The following ARHGAP22 variants were observed in gnomAD, a reference collection of about 807,000 sequenced individuals.
The protein encoded by ARHGAP22 is Rho GTPase activating protein 22, also known as rho GTPase-activating protein 22.
A neutral mutation model predicts 59.1 loss-of-function variants in ARHGAP22; 48 were observed. The observed-to-expected ratio is 0.81, with a 90% CI of 0.64 to 1.03. ARHGAP22 has a LOEUF of 1.03. ARHGAP22 is among the 50% of genes least tolerant of loss of function. ARHGAP22 has a pLI of 0.00. For synonymous variants in ARHGAP22, 445 were observed against 416.4 expected (o/e 1.07, Z -0.84); for missense variants, 1,015 against 958.7 (o/e 1.06, Z -0.78).
chr10:48,507,311 C>T (rs1285950912), intron 3 of ARHGAP22, among the ~76,000 whole-genome samples: 1 of 152,192 alleles, frequency 6.6e-6, no homozygotes, highest in African/African-American at 2.4e-5. Context: ...AAACGACTGA[C>T]CTTCGAGGGC....
intron 1 of ARHGAP22, among the ~76,000 whole-genome samples, chr10:48,638,592 C>T (rs373086035): frequency 5.6e-4 from 85 of 152,326 alleles, no homozygotes; most frequent in African/African-American, 2.0e-3. Flanking sequence ...TTTCCCTCTA[C>T]ATTCTTACTT....
rs370265196 is a variant in ARHGAP22 at position 48,455,145 on chromosome 10, G to A, written c.660-11C>T. On this transcript the variant is annotated splice_polypyrimidine_tract_variant and intron_variant, in intron 5 of 9. Coordinates refer to ENST00000249601, the MANE Select transcript of ARHGAP22 (RefSeq NM_021226.4). ...TGCACGTCTGTTGTGCTGTGGGGGGGAAGAGGACAGGTGTGTGAGGCCTGG... is the reference window on the plus strand; with the variant it reads ...TGCACGTCTGTTGTGCTGTGGGGGGAAAGAGGACAGGTGTGTGAGGCCTGG... The A allele has an allele frequency of 3.7e-6, 6 of 1,600,682 alleles. No individual in the cohort carries two copies. Among genetic ancestry groups the A allele is most frequent in the Non-Finnish European group, 5.1e-6 (6 of 1,172,250 alleles).
chr10:48,441,431 C>G (rs1823936381), downstream of ARHGAP22, among the ~76,000 whole-genome samples: 1 of 144,426 alleles, frequency 6.9e-6, no homozygotes. Flanking sequence ...CAGAAGAGTT[C>G]AAAGGGAGAA....
At chr10:48,648,058 T>C (rs1418942434) in intron 1 of ARHGAP22, among the ~76,000 whole-genome samples, 1 of 152,172 alleles carries the variant, frequency 6.6e-6, no homozygotes, top group East Asian at 1.9e-4. Flanking sequence ...TAGTTGCAGA[T>C]GGGCTTGAGG....
chr10:48,595,929 A>G (rs2060039360), intron 1 of ARHGAP22, among the ~76,000 whole-genome samples: 1 of 152,222 alleles, frequency 6.6e-6, no homozygotes, highest in Admixed American at 6.5e-5. Flanking sequence ...CTCGGCATGA[A>G]GAACTAGAGC....
chr10:48,511,482 C>A (rs1287565762), intron 3 of ARHGAP22: 1 of 152,280 alleles, frequency 6.6e-6, no homozygotes, highest in Non-Finnish European at 1.5e-5. Context: ...TCTCTCCATC[C>A]GACTCTCCCT....
In ARHGAP22 at chr10:48,630,768, G is replaced by GTA. The variant is rs1408153076; in HGVS notation, c.52+21464_52+21465dup. 4.6e-5 allele frequency among the ~76,000 whole-genome samples: 7 copies of GTA among 152,236 alleles called. No individual in the cohort carries two copies. In the South Asian group the frequency reaches 1.4e-3, roughly 32 times the overall value. On this transcript the variant is annotated intron_variant, in intron 1 of 9. Coordinates refer to the ARHGAP22 transcript ENST00000435790. ...GCAATTTTATTTCTTCCTCCATTCT[G>GTA]TATATATATGGCTTCCTTCTCTTGT...
intron 3 of ARHGAP22, among the ~76,000 whole-genome samples, chr10:48,513,381 C>G (rs1267675343): frequency 2.0e-5 from 3 of 152,232 alleles, no homozygotes; most frequent in Non-Finnish European, 4.4e-5. Context: ...TCTCTCATCT[C>G]TGGCTGATTT....
intron 3 of ARHGAP22, chr10:48,493,562 C>G (rs2050627504): frequency 4.6e-6 from 7 of 1,517,846 alleles, no homozygotes; most frequent in Non-Finnish European, 6.2e-6. Flanking sequence ...AGAAAACCAC[C>G]AGGTGCACGA....
At chr10:48,523,858 C>T (rs1468539219) in intron 3 of ARHGAP22, among the ~76,000 whole-genome samples, 2 of 152,070 alleles carry the variant, frequency 1.3e-5, no homozygotes, top group African/African-American at 4.8e-5. Context: ...GGATGCGCCC[C>T]CGCGCCCCGA....
At chr10:48,458,936 A>C (rs2046852695) in intron 5 of ARHGAP22, among the ~76,000 whole-genome samples, 1 of 152,100 alleles carries the variant, frequency 6.6e-6, no homozygotes, top group Non-Finnish European at 1.5e-5. Flanking sequence ...TTCTGCCCCC[A>C]GAGGAGAAGC....
chr10:48,550,037 C>T (rs140094417), intron 3 of ARHGAP22, among the ~76,000 whole-genome samples: 7 of 152,200 alleles, frequency 4.6e-5, no homozygotes, highest in Admixed American at 2.6e-4. Context: ...ATGTGCTGAG[C>T]GCCTTGGAAC....
chr10:48,467,266 C>T (rs2047813595), intron 4 of ARHGAP22, among the ~76,000 whole-genome samples: 1 of 152,162 alleles, frequency 6.6e-6, no homozygotes, highest in Non-Finnish European at 1.5e-5. Flanking sequence ...TTAACACCTA[C>T]ATGATCTTTC....
intron 3 of ARHGAP22, among the ~76,000 whole-genome samples, chr10:48,505,828 G>A: frequency 6.6e-6 from 1 of 152,242 alleles, no homozygotes. Context: ...GCTGGTTGGA[G>A]AAGCTGCAGC....
intron 3 of ARHGAP22, among the ~76,000 whole-genome samples, chr10:48,511,251 G>A (rs1437709991): frequency 3.3e-5 from 5 of 152,250 alleles, no homozygotes; most frequent in African/African-American, 9.6e-5. Context: ...CGGTGCCTTC[G>A]TGGCACACGG....
intron 1 of ARHGAP22, among the ~76,000 whole-genome samples, chr10:48,586,539 C>T (rs115235449): frequency 0.012 from 1,824 of 152,320 alleles, 35 homozygotes; most frequent in African/African-American, 0.042. Flanking sequence ...GAATGGACCA[C>T]TCTCTGGCCC....
rs1250810582 is a variant in ARHGAP22, at chr10:48,446,490, C to G, written c.1998G>C (p.Ala666=). The G allele has an allele frequency of 1.2e-6, 2 of 1,614,222 alleles. 1 individual carries two copies. The highest frequency in any genetic ancestry group is 1.7e-6 in the Non-Finnish European group (2 of 1,180,030). The change falls in exon 10 of 10, where the codon GCG becomes GCC. Residue 666 remains alanine, a synonymous_variant. Coordinates refer to ENST00000249601, the MANE Select transcript of ARHGAP22 (RefSeq NM_021226.4). ...LRNSERARED[A]ERRNQLLQRE... is the part of the protein sequence containing the mutation. Reference sequence around the variant, plus strand: ...TCTGCAACAGCTGGTTCCTCCTCTCCGCATCCTCCCGCGCCCGTTCAGAGT... The same window carrying G: ...TCTGCAACAGCTGGTTCCTCCTCTCGGCATCCTCCCGCGCCCGTTCAGAGT...
At chr10:48,552,118 T>C (rs1488654820) in intron 3 of ARHGAP22, among the ~76,000 whole-genome samples, 1 of 152,280 alleles carries the variant, frequency 6.6e-6, no homozygotes, top group African/African-American at 2.4e-5. Flanking sequence ...ATTGCACAAA[T>C]AGAACTATGG....
upstream of ARHGAP22, among the ~76,000 whole-genome samples, chr10:48,609,921 G>A (rs182363649): frequency 6.6e-6 from 1 of 152,312 alleles, no homozygotes; most frequent in Non-Finnish European, 1.5e-5. Context: ...GAAACTGTGG[G>A]ATTCATCAAA....
Sources: allele counts gnomAD v4.1 joint callset (sites outside exome capture counted in the v4.1 genomes callset), GRCh38; gene constraint gnomAD v4.1.1; transcripts MANE v1.5; gene names NCBI Gene and HGNC (gene_info 2026-07-23, HGNC 2026-07-21).